Variants in TTLL13 observed in about 807,000 individuals in gnomAD.
TTLL13 encodes tubulin tyrosine ligase like 13, also known as tubulin polyglutamylase TTLL13.
chr15:90,251,280 A>ATTTTTTTTTTTTTTTTTTT, the TTLL13 span, among the ~76,000 whole-genome samples: 1 of 109,514 alleles, frequency 9.1e-6, no homozygotes, highest in African/African-American at 3.6e-5. Flanking sequence ...CGCATGGCAA[A>ATTTTTTTTTTTTTTTTTTT]TTTTTTTTTT....
the TTLL13 span, chr15:90,264,856 G>GCCCT: frequency 6.5e-7 from 1 of 1,536,038 alleles, no homozygotes; most frequent in Non-Finnish European, 8.7e-7. Context: ...AATGCACCTT[G>GCCCT]CCCTCCATGG....
the TTLL13 span, chr15:90,265,129 C>A: frequency 8.0e-7 from 1 of 1,243,752 alleles, no homozygotes; most frequent in Non-Finnish European, 1.1e-6. Flanking sequence ...CCAAGAATTC[C>A]TCAATACCCT....
chr15:90,251,489 C>G, the TTLL13 span: 73 of 1,475,318 alleles, frequency 4.9e-5, no homozygotes, highest in Non-Finnish European at 2.4e-5. Context: ...TGTTGGATGT[C>G]TTTTCATCTG....
chr15:90,264,109 A>C, the TTLL13 span: 1 of 1,179,144 alleles, frequency 8.5e-7, no homozygotes, highest in African/African-American at 1.5e-5. Context: ...AAATCCCACT[A>C]GCAAGCATAG....
At chr15:90,258,033 C>T in the TTLL13 span, 77 of 1,613,276 alleles carry the variant, frequency 4.8e-5, no homozygotes, top group East Asian at 1.4e-3. Flanking sequence ...CACTGGGCCT[C>T]GCAGGAAGCT....
chr15:90,252,227 G>A, the TTLL13 span, among the ~76,000 whole-genome samples: 323 of 152,124 alleles, frequency 2.1e-3, 3 homozygotes, highest in Non-Finnish European at 1.6e-3. Context: ...TTAGTAGACA[G>A]AGTTTCTCCA....
At chr15:90,265,163 G>C in the TTLL13 span, 1 of 1,263,886 alleles carries the variant, frequency 7.9e-7, no homozygotes, top group Non-Finnish European at 1.1e-6. Flanking sequence ...GATCGGTAAA[G>C]ACTAGAAGAT....
the TTLL13 span, chr15:90,257,259 T>G: frequency 1.2e-6 from 2 of 1,613,204 alleles, no homozygotes; most frequent in Non-Finnish European, 1.7e-6. Context: ...ACGCCCTATA[T>G]GGAGCCCAGC....
chr15:90,253,934 G>C, the TTLL13 span, among the ~76,000 whole-genome samples: 2 of 152,238 alleles, frequency 1.3e-5, no homozygotes, highest in Non-Finnish European at 2.9e-5. Context: ...CAGGCAGGAA[G>C]TTGAGGAAAT....
At chr15:90,251,016 G>A in the TTLL13 span, 7 of 1,258,728 alleles carry the variant, frequency 5.6e-6, no homozygotes, top group Non-Finnish European at 7.7e-6. Flanking sequence ...GGAAATGCTG[G>A]AGTGTCATTA....
chr15:90,256,573 CTT>C, the TTLL13 span, among the ~76,000 whole-genome samples: 5 of 56,358 alleles, frequency 8.9e-5, no homozygotes, highest in African/African-American at 4.7e-4. Context: ...TTCTTTCTTT[CTT>C]TCTTTCTTTC....
the TTLL13 span, among the ~76,000 whole-genome samples, chr15:90,252,445 G>C: frequency 0.025 from 3,807 of 152,038 alleles, 158 homozygotes; most frequent in African/African-American, 0.086. Context: ...CTTCTCAAAG[G>C]CCTAGGATAA....
chr15:90,254,176 G>C, the TTLL13 span, among the ~76,000 whole-genome samples: 2 of 140,364 alleles, frequency 1.4e-5, no homozygotes, highest in South Asian at 2.5e-4. Flanking sequence ...CTGTGTGACA[G>C]AGTGAGACCC....
At chr15:90,263,853 TCCAGTTC>T in the TTLL13 span, 2 of 848,848 alleles carry the variant, frequency 2.4e-6, no homozygotes, top group African/African-American at 3.3e-5. Flanking sequence ...ATTTCCTGCA[TCCAGTTC>T]TGCCCCATGA....
the TTLL13 span, among the ~76,000 whole-genome samples, chr15:90,260,670 G>GTGAA: frequency 6.6e-6 from 1 of 152,038 alleles, no homozygotes; most frequent in East Asian, 1.9e-4. Flanking sequence ...GGCCAACATG[G>GTGAA]TGAAACCCCA....
the TTLL13 span, chr15:90,263,230 C>T: frequency 8.0e-7 from 1 of 1,243,526 alleles, no homozygotes; most frequent in South Asian, 1.6e-5. Flanking sequence ...ACAAAGGAGG[C>T]TTGTGTGATG....
the TTLL13 span, chr15:90,262,419 A>T: frequency 7.2e-7 from 1 of 1,394,646 alleles, no homozygotes; most frequent in Non-Finnish European, 9.4e-7. Context: ...CTCTTTCCTC[A>T]TCCCCATTTT....
At chr15:90,254,420 G>A in the TTLL13 span, among the ~76,000 whole-genome samples, 5 of 150,912 alleles carry the variant, frequency 3.3e-5, no homozygotes, top group African/African-American at 7.3e-5. Flanking sequence ...TTGAACCCAG[G>A]AGGCGGAGGT....
chr15:90,250,490 T>A, the TTLL13 span: 1 of 1,017,954 alleles, frequency 9.8e-7, no homozygotes, highest in Non-Finnish European at 1.4e-6. Flanking sequence ...AACAGTTTTG[T>A]CCTGAAGGGG....
Sources: gnomAD v4.1 joint callset for allele counts (sites outside exome capture counted in the v4.1 genomes callset) on GRCh38, gnomAD v4.1.1 for gene constraint, MANE v1.5 for transcripts, NCBI Gene and HGNC (gene_info 2026-07-23, HGNC 2026-07-21) for gene names.